The following COL13A1 variants were observed in gnomAD, a reference collection of about 807,000 sequenced individuals.
The protein encoded by COL13A1 is collagen alpha-1(XIII) chain.
In COL13A1, 89 loss-of-function variants were observed where a neutral mutation model predicts 130.9. The observed-to-expected ratio is 0.68, with a 90% CI of 0.57 to 0.81. The LOEUF is 0.81. COL13A1 is among the 30% of genes least tolerant of loss of function. The probability of loss-of-function intolerance (pLI) is 0.00; values close to 1 mark genes in which losing one functional copy is unlikely to be tolerated. For missense variants in COL13A1, 879 were observed against 934.6 expected, an observed-to-expected ratio of 0.94 and a Z score of 0.78; for synonymous variants, 402 against 341.6, an observed-to-expected ratio of 1.18 and a Z score of -1.95.
At chr10:69,824,696 C>T (rs1361413923) in intron 2 of COL13A1, among the ~76,000 whole-genome samples, 1 of 152,160 alleles carries the variant, frequency 6.6e-6, no homozygotes, top group African/African-American at 2.4e-5. Flanking sequence ...GGGACAGCAG[C>T]AAGGGCTGAG....
rs1480563529 is a variant in COL13A1, at chr10:69,930,421, G to A, written c.1552G>A (p.Asp518Asn). ...AAAGGGACCTCGCGGTAAACCAGGAGACATGGGCCCTCCTGGTCCCCAAGG... is the reference window on the plus strand; with the variant it reads ...AAAGGGACCTCGCGGTAAACCAGGAAACATGGGCCCTCCTGGTCCCCAAGG... The part of the protein sequence containing the change: ...GEKGPRGKPG[D>N]MGPPGPQGPP... Residue 518 changes from aspartate to asparagine, a missense_variant, in exon 30 of 41, where the codon GAC becomes AAC. Around this residue, in one of 3 missense-constraint regions of COL13A1, gnomAD observed 715 missense variants for 721.0 expected, o/e 0.99. Transcript: ENST00000645393. 6.2e-7 allele frequency: 1 copy of A among 1,611,630 alleles called. No individual in the cohort carries two copies. The highest frequency in any genetic ancestry group is 2.2e-5 in the East Asian group (1 of 44,856).
At chr10:69,828,116 G>A (rs983526098) in intron 2 of COL13A1, among the ~76,000 whole-genome samples, 4 of 152,102 alleles carry the variant, frequency 2.6e-5, no homozygotes, top group South Asian at 2.1e-4. Flanking sequence ...GGGCTACTTC[G>A]GGGTCATTCT....
intron 24 of COL13A1, among the ~76,000 whole-genome samples, chr10:69,924,645 C>T (rs756555922): frequency 6.6e-6 from 1 of 152,036 alleles, no homozygotes; most frequent in African/African-American, 2.4e-5. Context: ...GAGAAGCAAA[C>T]GTCCCTGCTC....
At position 69,922,755 on chromosome 10, in the gene COL13A1, ACCTGGCCCTCCAGGGCTC is replaced by A; in HGVS notation, c.1197_1214del (p.Leu403_Gly408del). ...ACTCCATTGGAGGAGGCAGAGGGGA[ACCTGGCCCTCCAGGGCTC>A]CCTGGGCCCCCAGGGCCAAAGGTGA... is the stretch of plus-strand genomic sequence containing the variant. On this transcript the variant is annotated inframe_deletion, in exon 23 of 41. Coordinates refer to ENST00000645393, the MANE Select transcript of COL13A1 (RefSeq NM_001368882.1). 2 of 1,605,360 alleles carry A rather than the reference ACCTGGCCCTCCAGGGCTC, an allele frequency of 1.2e-6. No homozygotes were observed. Among genetic ancestry groups the A allele is most frequent in the Non-Finnish European group, 1.7e-6 (2 of 1,176,426 alleles).
chr10:69,897,553 T>C (rs1171064519), intron 13 of COL13A1: 1 of 1,613,036 alleles, frequency 6.2e-7, no homozygotes, highest in African/African-American at 1.3e-5. Context: ...CTGGAAGGTC[T>C]CCGGGCCCCT....
At chr10:69,910,873 T>TG (rs5785957) in intron 17 of COL13A1, among the ~76,000 whole-genome samples, 6,131 of 152,316 alleles carry the variant, frequency 0.04, 272 homozygotes, top group East Asian at 0.22. Context: ...TGTCTCACTT[T>TG]GGGGGCGCAT....
intron 1 of COL13A1, among the ~76,000 whole-genome samples, chr10:69,817,814 C>T (rs1303954934): frequency 6.6e-6 from 1 of 151,984 alleles, no homozygotes. Flanking sequence ...CTGTGGGATT[C>T]GAGGGTCCCT....
intron 6 of COL13A1, 120 bp from the exon 7 acceptor site, chr10:69,880,383 G>A: frequency 8.3e-6 from 6 of 722,226 alleles, no homozygotes; most frequent in Middle Eastern, 2.5e-4. Flanking sequence ...TGTCCCATGG[G>A]GCCGGCCTCC....
chr10:69,819,087 C>T (rs985679399), intron 1 of COL13A1, among the ~76,000 whole-genome samples: 2 of 152,224 alleles, frequency 1.3e-5, no homozygotes, highest in Non-Finnish European at 1.5e-5. Flanking sequence ...TGCAGTCTCA[C>T]AATTAGTAGA....
chr10:69,817,784 G>A (rs561903004), intron 1 of COL13A1, among the ~76,000 whole-genome samples: 1 of 152,190 alleles, frequency 6.6e-6, no homozygotes, highest in South Asian at 2.1e-4. Context: ...AAAGTTGGTA[G>A]GACCCGCAGG....
intron 1 of COL13A1, among the ~76,000 whole-genome samples, chr10:69,805,049 C>A (rs1480765707): frequency 6.6e-6 from 1 of 152,000 alleles, no homozygotes; most frequent in Non-Finnish European, 1.5e-5. Context: ...GGCTGGGGGC[C>A]AGAGGGAATT....
At chr10:69,900,885 C>G (rs553874154) in intron 14 of COL13A1, among the ~76,000 whole-genome samples, 46 of 152,310 alleles carry the variant, frequency 3.0e-4, no homozygotes, top group African/African-American at 1.0e-3. Context: ...GTTTTCTCTT[C>G]TGTAACATAG....
chr10:69,845,257 AT>A (rs1852703879), intron 2 of COL13A1, among the ~76,000 whole-genome samples: 1 of 146,416 alleles, frequency 6.8e-6, no homozygotes, highest in African/African-American at 2.6e-5. Flanking sequence ...CAGTGGCGTG[AT>A]CTCCACTCAC....
chr10:69,942,681 T>C (rs149989181), intron 35 of COL13A1, among the ~76,000 whole-genome samples: 3 of 152,356 alleles, frequency 2.0e-5, no homozygotes, highest in East Asian at 3.9e-4. Context: ...TACGCATTCA[T>C]GCATGGAAAC....
intron 1 of COL13A1, among the ~76,000 whole-genome samples, chr10:69,810,356 G>C (rs1273244218): frequency 7.1e-6 from 1 of 141,478 alleles, no homozygotes; most frequent in Non-Finnish European, 1.6e-5. Flanking sequence ...ATGAGAGAGA[G>C]AGAGAGAGAG....
intron 2 of COL13A1, among the ~76,000 whole-genome samples, chr10:69,836,732 C>A (rs1850165604): frequency 1.3e-5 from 2 of 152,284 alleles, no homozygotes; most frequent in Non-Finnish European, 2.9e-5. Flanking sequence ...CCTTGGCAGG[C>A]TGGCTCCTCA....
At chr10:69,897,096 G>A (rs1161799585) in intron 13 of COL13A1, among the ~76,000 whole-genome samples, 2 of 151,992 alleles carry the variant, frequency 1.3e-5, no homozygotes, top group Non-Finnish European at 2.9e-5. Context: ...GTGACAGAAG[G>A]CTGCAGAATA....
intron 10 of COL13A1, among the ~76,000 whole-genome samples, chr10:69,892,381 C>T (rs75634795): frequency 1.3e-5 from 2 of 152,312 alleles, no homozygotes; most frequent in Admixed American, 1.3e-4. Flanking sequence ...CCCACCCCCC[C>T]ACTTCACATT....
intron 28 of COL13A1, among the ~76,000 whole-genome samples, chr10:69,929,324 A>G (rs938103317): frequency 2.6e-5 from 4 of 151,672 alleles, no homozygotes; most frequent in Non-Finnish European, 4.4e-5. Flanking sequence ...CCCCTCCCCA[A>G]TCCTCCCACC....
Sources: allele counts gnomAD v4.1 joint callset (sites outside exome capture counted in the v4.1 genomes callset), GRCh38; gene constraint gnomAD v4.1.1; regional missense constraint gnomAD v4.1.1; transcripts MANE v1.5; gene names NCBI Gene and HGNC (gene_info 2026-07-23, HGNC 2026-07-21).